SCN1A: variants seen among roughly 807,000 people sequenced by gnomAD.
The protein encoded by SCN1A is sodium voltage-gated channel alpha subunit 1.
SCN1A carries 13 observed loss-of-function variants against 193.7 expected under a neutral mutation model. The ratio of observed to expected loss-of-function variants is 0.07; its 90% CI spans 0.04 to 0.11. The LOEUF (loss-of-function observed/expected upper bound fraction) is 0.11. Among genes scored for constraint, SCN1A ranks in the 10% least tolerant of loss-of-function variants. The probability of loss-of-function intolerance (pLI) is 1.00; values close to 1 mark genes in which losing one functional copy is unlikely to be tolerated. For missense variants in SCN1A, 1,432 were observed against 2,451.1 expected (o/e 0.58, Z 8.78); for synonymous variants, 781 against 843.6 (o/e 0.93, Z 1.29).
chr2:166,122,522 GAC>G (rs1489822394), intron 2 of SCN1A, among the ~76,000 whole-genome samples: 2 of 152,134 alleles, frequency 1.3e-5, no homozygotes, highest in African/African-American at 4.8e-5. Context: ...GAATCTCACT[GAC>G]CTTTTCTTAA....
In SCN1A at chr2:166,046,031, T is replaced by C. The variant is rs1697786006; in HGVS notation, c.1378-704A>G. Among the ~76,000 whole-genome samples, 3 of 152,192 alleles carry C rather than the reference T, an allele frequency of 2.0e-5. No individual in the cohort carries two copies. In the South Asian group the frequency reaches 6.2e-4, roughly 32 times the overall value. ...CTTGTACTGGTACTAAGTTGACACT[T>C]TTTTATTATTATCATTGTTCCCAGG... On this transcript the variant is annotated intron_variant, in intron 12 of 28. Transcript: ENST00000674923.
intron 1 of SCN1A, among the ~76,000 whole-genome samples, chr2:166,136,169 A>G (rs1691847471): frequency 6.6e-6 from 1 of 152,130 alleles, no homozygotes; most frequent in African/African-American, 2.4e-5. Flanking sequence ...CATGACATCA[A>G]AGTCACCTGT....
chr2:166,104,413 A>G (rs1372445413), intron 2 of SCN1A: 1 of 152,180 alleles, frequency 6.6e-6, no homozygotes, highest in African/African-American at 2.4e-5. Context: ...CTGTGAACCT[A>G]GAGTGCTACG....
intron 19 of SCN1A, among the ~76,000 whole-genome samples, chr2:166,023,132 T>G (rs1362824401): frequency 6.6e-6 from 1 of 152,256 alleles, no homozygotes; most frequent in Non-Finnish European, 1.5e-5. Flanking sequence ...TATTGGTCAT[T>G]TTATTTGCAT....
At chr2:166,015,466 TTGTC>T in intron 20 of SCN1A, 137 bp downstream of exon 20, 1 of 995,390 alleles carries the variant, frequency 1.0e-6, no homozygotes, top group Non-Finnish European at 1.5e-6. Flanking sequence ...TTAAGTTTTT[TTGTC>T]TGTCAACATA....
At chr2:166,062,238 T>C (rs1330612912) in intron 4 of SCN1A, among the ~76,000 whole-genome samples, 1 of 152,146 alleles carries the variant, frequency 6.6e-6, no homozygotes, top group Non-Finnish European at 1.5e-5. Context: ...CTTTAAGGTA[T>C]TGATGGATTT....
chr2:166,006,839 A>T (rs506075), intron 23 of SCN1A, among the ~76,000 whole-genome samples: 1 of 151,108 alleles, frequency 6.6e-6, no homozygotes. Flanking sequence ...TGTACTAAAC[A>T]GCAGGGGCTG....
chr2:165,999,470 A>T (rs899677849), intron 25 of SCN1A, among the ~76,000 whole-genome samples: 19 of 151,754 alleles, frequency 1.3e-4, no homozygotes, highest in Non-Finnish European at 2.7e-4. Flanking sequence ...GAAAATATTT[A>T]AAAGGAAAAT....
intron 2 of SCN1A, among the ~76,000 whole-genome samples, chr2:166,090,545 C>T (rs1385850954): frequency 6.6e-6 from 1 of 152,142 alleles, no homozygotes; most frequent in Non-Finnish European, 1.5e-5. Flanking sequence ...CAACATTGAG[C>T]TCTCTTTAAG....
At position 166,041,328 on chromosome 2, in the gene SCN1A, G is replaced by C; in HGVS notation, c.2318C>G (p.Ala773Gly). The change falls in exon 16 of 29, where the codon GCC becomes GGC. Residue 773 changes from alanine (A) to glycine (G), a missense_variant. Ala to Gly is a moderately conservative substitution (Grantham distance 60, BLOSUM62 0). This residue lies in a region of SCN1A where 316 missense variants were observed against 362.1 expected (regional missense o/e 0.87). Coordinates refer to ENST00000674923, the MANE Select transcript of SCN1A (RefSeq NM_001165963.4). Reference protein sequence around the residue: ...LVVMDPFVDLAITICIVLNTL... With the variant: ...LVVMDPFVDLGITICIVLNTL... ...ATTTAAGACAATACAGATGGTGATGGCCAGGTCAACAAATGGGTCCATCAC... is the reference window on the plus strand; with the variant it reads ...ATTTAAGACAATACAGATGGTGATGCCCAGGTCAACAAATGGGTCCATCAC... 1 of 1,613,736 alleles carries C rather than the reference G, an allele frequency of 6.2e-7. No individual in the cohort carries two copies. Among genetic ancestry groups the C allele is most frequent in the African/African-American group, 1.3e-5 (1 of 74,970 alleles).
At chr2:166,039,786 G>A (rs899838701) in intron 16 of SCN1A, among the ~76,000 whole-genome samples, 190 bp from the exon 17 acceptor site, 8 of 152,026 alleles carry the variant, frequency 5.3e-5, no homozygotes, top group Admixed American at 4.6e-4. Flanking sequence ...GTGGAAACGC[G>A]AAGTAGATAA....
At chr2:166,017,970 C>A (rs1693527385) in intron 19 of SCN1A, among the ~76,000 whole-genome samples, 1 of 151,944 alleles carries the variant, frequency 6.6e-6, no homozygotes. Context: ...CAAAAAGTTG[C>A]TCAGTAATTA....
Position 165,986,635 on chromosome 2 carries a change from C to T in SCN1A, c.*4610G>A, listed in dbSNP as rs988587859. On this transcript the variant is annotated 3_prime_UTR_variant, in exon 29 of 29. Coordinates refer to ENST00000674923, the MANE Select transcript of SCN1A (RefSeq NM_001165963.4). Reference sequence around the variant, plus strand: ...ATTTTGAAGGTAGAAATTATAAAGTCCAGGGCATACAAAATATGATAGTGT... The same window carrying T: ...ATTTTGAAGGTAGAAATTATAAAGTTCAGGGCATACAAAATATGATAGTGT... 2 of 149,298 alleles carry T rather than the reference C, an allele frequency of 1.3e-5. No homozygotes were observed. Among genetic ancestry groups the T allele is most frequent in the Non-Finnish European group, 1.5e-5 (1 of 67,612 alleles). The allele number at this position is 149,298 out of a possible 1,614,324, so 9.2% of individuals were successfully genotyped here. A position where few individuals can be genotyped will look rare whatever the true frequency, so the allele number is the denominator to read the frequency against.
At chr2:166,008,173 T>C (rs1450444059) in intron 23 of SCN1A, among the ~76,000 whole-genome samples, 1 of 151,326 alleles carries the variant, frequency 6.6e-6, no homozygotes, top group Admixed American at 6.6e-5. Flanking sequence ...TATTGATTAA[T>C]AATTATAGAT....
chr2:166,062,261 C>T (rs1683389136), intron 4 of SCN1A, among the ~76,000 whole-genome samples: 1 of 152,032 alleles, frequency 6.6e-6, no homozygotes, highest in African/African-American at 2.4e-5. Flanking sequence ...AACAGCCTTC[C>T]AATAAAGCAA....
At chr2:166,038,480 A>T (rs1696744061) in intron 17 of SCN1A, among the ~76,000 whole-genome samples, 1 of 151,956 alleles carries the variant, frequency 6.6e-6, no homozygotes, top group South Asian at 2.1e-4. Context: ...AGCTGGGACT[A>T]CAGGCACGTG....
At chr2:165,998,579 A>T (rs1331152988) in intron 25 of SCN1A, among the ~76,000 whole-genome samples, 1 of 151,340 alleles carries the variant, frequency 6.6e-6, no homozygotes, top group African/African-American at 2.4e-5. Flanking sequence ...GCAAATAAGA[A>T]ATGAGTTGTT....
chr2:166,130,102 T>A (rs1157274942), upstream of SCN1A, among the ~76,000 whole-genome samples: 1 of 152,166 alleles, frequency 6.6e-6, no homozygotes, highest in Non-Finnish European at 1.5e-5. Flanking sequence ...CTACTCAAGA[T>A]CCAAACACTT....
chr2:166,091,531 G>T (rs995110020), intron 2 of SCN1A, among the ~76,000 whole-genome samples: 6 of 152,140 alleles, frequency 3.9e-5, no homozygotes, highest in Non-Finnish European at 8.8e-5. Flanking sequence ...AAAAACATCA[G>T]GGGTTAAATA....
Sources: gnomAD v4.1 joint callset for allele counts (sites outside exome capture counted in the v4.1 genomes callset) on GRCh38, gnomAD v4.1.1 for gene constraint, gnomAD v4.1.1 regional missense constraint, MANE v1.5 for transcripts, NCBI Gene and HGNC (gene_info 2026-07-23, HGNC 2026-07-21) for gene names.